Variants in ATP9B observed in about 807,000 individuals in gnomAD.
ATP9B encodes the protein probable phospholipid-transporting ATPase IIB.
A neutral mutation model predicts 146.1 loss-of-function variants in ATP9B; 110 were observed. The ratio of observed to expected loss-of-function variants is 0.75; its 90% CI spans 0.65 to 0.88. The LOEUF is 0.88. ATP9B is among the 40% of genes least tolerant of loss of function. The pLI, the probability that ATP9B is intolerant of heterozygous loss-of-function variation, is 0.00. For missense variants in ATP9B, 1,499 were observed against 1,496.4 expected, an observed-to-expected ratio of 1.00 and a Z score of -0.03; for synonymous variants, 604 against 569.7, an observed-to-expected ratio of 1.06 and a Z score of -0.86.
intron 13 of ATP9B, among the ~76,000 whole-genome samples, chr18:79,294,849 G>GC (rs2146255165): frequency 6.6e-6 from 1 of 152,310 alleles, no homozygotes; most frequent in African/African-American, 2.4e-5. Flanking sequence ...TGAAAGAGCT[G>GC]CCCTAGGTCC....
intron 8 of ATP9B, among the ~76,000 whole-genome samples, chr18:79,181,392 C>T (rs577537955): frequency 4.1e-4 from 62 of 152,238 alleles, no homozygotes; most frequent in Non-Finnish European, 7.1e-4. Flanking sequence ...TATCCAGTTT[C>T]AAGATTTTCA....
intron 26 of ATP9B, among the ~76,000 whole-genome samples, chr18:79,372,026 C>T (rs1400636780): frequency 6.6e-6 from 1 of 152,240 alleles, no homozygotes; most frequent in Non-Finnish European, 1.5e-5. Context: ...AAAGGCCTCA[C>T]ATAAAGACAG....
chr18:79,245,525 TAGGAGGGCACCACCCTACTGACTG>T (rs1257148229), intron 11 of ATP9B, among the ~76,000 whole-genome samples: 3 of 130,552 alleles, frequency 2.3e-5, no homozygotes, highest in East Asian at 4.2e-4. Context: ...CGAAAAGCCT[TAGGAGGGCACCACCCTACTGACTG>T]AGGAGGGCAC....
At chr18:79,346,498 C>G (rs1293246545) in intron 23 of ATP9B, among the ~76,000 whole-genome samples, 2 of 126,764 alleles carry the variant, frequency 1.6e-5, no homozygotes, top group Non-Finnish European at 3.4e-5. Flanking sequence ...TTGGCACACA[C>G]TCAGCGCACC....
intron 25 of ATP9B, among the ~76,000 whole-genome samples, chr18:79,351,805 GTGGTGA>G (rs947231138): frequency 1.3e-5 from 2 of 151,228 alleles, no homozygotes; most frequent in African/African-American, 2.5e-5. Flanking sequence ...GGCCGCAAAG[GTGGTGA>G]TGGGGAAGCC....
At chr18:79,235,489 T>C (rs2148617063) in intron 11 of ATP9B, among the ~76,000 whole-genome samples, 1 of 152,340 alleles carries the variant, frequency 6.6e-6, no homozygotes, top group South Asian at 2.1e-4. Flanking sequence ...GAATTTTGCG[T>C]AATAACAATT....
At chr18:79,085,358 T>C (rs1229694693) in intron 1 of ATP9B, 1 of 152,174 alleles carries the variant, frequency 6.6e-6, no homozygotes, top group Non-Finnish European at 1.5e-5. Flanking sequence ...ATCCAAACCA[T>C]AGCATATGGT....
At chr18:79,362,643 C>T (rs553169578) in intron 26 of ATP9B, 9 of 152,298 alleles carry the variant, frequency 5.9e-5, no homozygotes, top group Non-Finnish European at 1.0e-4. Context: ...GGTGTGTAAC[C>T]GCTTAGGGAA....
chr18:79,286,998 T>C (rs1461403100), intron 13 of ATP9B, among the ~76,000 whole-genome samples: 1 of 152,226 alleles, frequency 6.6e-6, no homozygotes, highest in Non-Finnish European at 1.5e-5. Flanking sequence ...AGCTTTTTGA[T>C]GTGCTGCTGG....
chr18:79,374,058 AGGCT>A lies in ATP9B; in HGVS notation c.3233_3236del (p.Gly1078AlafsTer15). 6.2e-7 allele frequency: 1 copy of A among 1,614,174 alleles called. No homozygotes were observed. Among genetic ancestry groups the A allele is most frequent in the Non-Finnish European group, 8.5e-7 (1 of 1,180,030 alleles). On this transcript the variant is annotated frameshift_variant, in exon 28 of 30. Coordinates refer to ENST00000426216, the MANE Select transcript of ATP9B (RefSeq NM_198531.5). LOFTEE classifies it high-confidence loss of function. The stretch of plus-strand genomic sequence containing the variant: ...TGGTGGTGGCCGAGTTCCTCAGCTT[AGGCT>A]GCTACGTGTCCTCACTCGCTTTTCT...
At chr18:79,143,902 T>C in intron 6 of ATP9B, 42 bp downstream of exon 6, 2 of 1,246,774 alleles carry the variant, frequency 1.6e-6, no homozygotes, top group South Asian at 3.0e-5. Flanking sequence ...TGTATGCTAG[T>C]TATTAATGTT....
chr18:79,238,239 C>CTT (rs57427830), intron 11 of ATP9B, among the ~76,000 whole-genome samples: 5 of 140,614 alleles, frequency 3.6e-5, no homozygotes, highest in Admixed American at 7.2e-5. Flanking sequence ...ATAAGTGATC[C>CTT]TTTTTTTTTT....
chr18:79,290,585 G>T (rs1599668658), intron 13 of ATP9B, among the ~76,000 whole-genome samples: 2 of 152,192 alleles, frequency 1.3e-5, no homozygotes, highest in South Asian at 2.1e-4. Context: ...GCAATGCCTC[G>T]CCCTGCTTCG....
At chr18:79,306,624 C>A (rs1264496026) in intron 14 of ATP9B, among the ~76,000 whole-genome samples, 1 of 152,138 alleles carries the variant, frequency 6.6e-6, no homozygotes, top group Non-Finnish European at 1.5e-5. Flanking sequence ...TGTGAGTATA[C>A]CATTTCATTT....
At chr18:79,142,170 C>T (rs921929430) in intron 5 of ATP9B, among the ~76,000 whole-genome samples, 8 of 152,080 alleles carry the variant, frequency 5.3e-5, no homozygotes, top group Non-Finnish European at 8.8e-5. Flanking sequence ...AAACTTTTTT[C>T]GTTAAACATG....
chr18:79,353,165 G>A (rs1459280296), intron 25 of ATP9B: 3 of 152,264 alleles, frequency 2.0e-5, no homozygotes, highest in Non-Finnish European at 4.4e-5. Flanking sequence ...CACTGCTGGC[G>A]AGAGTGCAGA....
chr18:79,284,593 A>C (rs576839319), intron 13 of ATP9B, among the ~76,000 whole-genome samples: 2 of 152,228 alleles, frequency 1.3e-5, no homozygotes, highest in South Asian at 4.1e-4. Flanking sequence ...CTTATCACTT[A>C]AGTTTTGTTT....
At chr18:79,333,277 T>C (rs1261902335) in intron 17 of ATP9B, among the ~76,000 whole-genome samples, 1 of 152,254 alleles carries the variant, frequency 6.6e-6, no homozygotes, top group Non-Finnish European at 1.5e-5. Context: ...CTGCCATCTC[T>C]GGCTTTCTGT....
chr18:79,337,145 TACAC>T (rs1246754641), intron 18 of ATP9B, 130 bp from the exon 19 acceptor site: 1 of 1,158,440 alleles, frequency 8.6e-7, no homozygotes, highest in Non-Finnish European at 1.2e-6. Flanking sequence ...CTCTGTGGAG[TACAC>T]ACACAGCACG....
Sources: gnomAD v4.1 joint callset for allele counts (sites outside exome capture counted in the v4.1 genomes callset) on GRCh38, gnomAD v4.1.1 for gene constraint, MANE v1.5 for transcripts, NCBI Gene and HGNC (gene_info 2026-07-23, HGNC 2026-07-21) for gene names.